The following PLPP4 variants were observed in gnomAD, a reference collection of about 807,000 sequenced individuals.
PLPP4 encodes diacylglycerol pyrophosphate like 2.
A neutral mutation model predicts 32.2 loss-of-function variants in PLPP4; 20 were observed. That is an observed-to-expected ratio of 0.62 (90% confidence interval 0.44 to 0.90). PLPP4 has a LOEUF of 0.90. Among genes scored for constraint, PLPP4 ranks in the 40% least tolerant of loss-of-function variants. The pLI, the probability that PLPP4 is intolerant of heterozygous loss-of-function variation, is 0.00. For missense variants in PLPP4, 257 were observed against 353.1 expected (o/e 0.73, Z 2.18); for synonymous variants, 127 against 133.0 (o/e 0.95, Z 0.31).
chr10:120,569,353 C>T (rs1189548706), intron 5 of PLPP4, among the ~76,000 whole-genome samples: 1 of 152,174 alleles, frequency 6.6e-6, no homozygotes, highest in Non-Finnish European at 1.5e-5. Flanking sequence ...ACCTTCCTCC[C>T]GCTATCATTT....
At chr10:120,528,805 A>G (rs1241937417) in intron 5 of PLPP4, among the ~76,000 whole-genome samples, 1 of 152,002 alleles carries the variant, frequency 6.6e-6, no homozygotes, top group African/African-American at 2.4e-5. Context: ...TTGTTTTTTT[A>G]TCACTCCCTC....
chr10:120,589,170 T>C (rs76105841), intron 6 of PLPP4, 133 bp from the exon 7 acceptor site: 35,932 of 787,976 alleles, frequency 0.046, 1,121 homozygotes, highest in Admixed American at 0.12. Flanking sequence ...GTTTCTTTCC[T>C]TTAGTCTTTC....
At chr10:120,578,758 A>G (rs1319726924) in intron 6 of PLPP4, among the ~76,000 whole-genome samples, 1 of 152,192 alleles carries the variant, frequency 6.6e-6, no homozygotes. Context: ...ATTTAGCAGA[A>G]CTTCCCCAGA....
intron 5 of PLPP4, among the ~76,000 whole-genome samples, chr10:120,566,258 C>T (rs1258997091): frequency 6.6e-6 from 1 of 151,930 alleles, no homozygotes; most frequent in Non-Finnish European, 1.5e-5. Context: ...TTAATTTTTC[C>T]TAGAAGTTTA....
intron 1 of PLPP4, among the ~76,000 whole-genome samples, chr10:120,480,521 CAGAG>C (rs1453275927): frequency 6.6e-6 from 1 of 152,140 alleles, no homozygotes; most frequent in Admixed American, 6.5e-5. Flanking sequence ...AAAATCTTGA[CAGAG>C]AGGATGCATC....
intron 5 of PLPP4, among the ~76,000 whole-genome samples, chr10:120,565,315 G>T (rs1848638367): frequency 7.0e-6 from 1 of 142,604 alleles, no homozygotes; most frequent in African/African-American, 2.6e-5. Context: ...TTGTTTGTGT[G>T]GTGTGTGTGT....
At chr10:120,580,002 C>T (rs1849413019) in intron 6 of PLPP4, among the ~76,000 whole-genome samples, 1 of 150,572 alleles carries the variant, frequency 6.6e-6, no homozygotes, top group African/African-American at 2.4e-5. Flanking sequence ...CACCTGTAGT[C>T]CCAGCTACTC....
At chr10:120,482,767 C>T (rs543065061) in intron 1 of PLPP4, among the ~76,000 whole-genome samples, 1 of 151,484 alleles carries the variant, frequency 6.6e-6, no homozygotes, top group South Asian at 2.1e-4. Flanking sequence ...AAAAACTTAG[C>T]CAGGCATGGT....
At chr10:120,515,367 G>T (rs1845895083) in intron 3 of PLPP4, among the ~76,000 whole-genome samples, 1 of 152,154 alleles carries the variant, frequency 6.6e-6, no homozygotes, top group Non-Finnish European at 1.5e-5. Context: ...TGTTTCTGCT[G>T]CCCCATGTCT....
intron 5 of PLPP4, among the ~76,000 whole-genome samples, chr10:120,521,622 G>A (rs765677473): frequency 3.9e-5 from 6 of 152,164 alleles, no homozygotes; most frequent in South Asian, 4.1e-4. Context: ...ATCAGAAGCC[G>A]TGCAATGTAG....
At position 120,589,658 on chromosome 10, in the gene PLPP4, C is replaced by T; in HGVS notation, c.*156C>T. 1.6e-6 allele frequency: 1 copy of T among 613,866 alleles called. No homozygotes were observed. Among genetic ancestry groups the T allele is most frequent in the East Asian group, 2.8e-5 (1 of 35,868 alleles). The allele number at this position is 613,866 out of a possible 1,614,324, so 38.0% of individuals were successfully genotyped here. ...TGTTTCACTGATGGTGTTCCTGCTA[C>T]TTTAAATGTCTACTTCCAACATCCT... is the stretch of plus-strand genomic sequence containing the variant. On this transcript the variant is annotated 3_prime_UTR_variant, in exon 7 of 7. Coordinates refer to ENST00000398250, the MANE Select transcript of PLPP4 (RefSeq NM_001030059.3).
At chr10:120,523,080 G>A (rs1260365792) in intron 5 of PLPP4, among the ~76,000 whole-genome samples, 1 of 152,094 alleles carries the variant, frequency 6.6e-6, no homozygotes, top group Non-Finnish European at 1.5e-5. Context: ...GGTGGATCAC[G>A]AGGTCAGGAG....
intron 1 of PLPP4, among the ~76,000 whole-genome samples, chr10:120,484,568 A>G (rs1434325303): frequency 6.6e-6 from 1 of 152,230 alleles, no homozygotes; most frequent in Non-Finnish European, 1.5e-5. Context: ...AATTCATTCA[A>G]CGGGGCAAAG....
intron 1 of PLPP4, among the ~76,000 whole-genome samples, chr10:120,484,513 GA>G (rs1231345470): frequency 6.6e-6 from 1 of 152,192 alleles, no homozygotes; most frequent in African/African-American, 2.4e-5. Context: ...AAAGGGGGGT[GA>G]ATTTGTGCTT....
At chr10:120,515,271 G>A (rs1209409175) in intron 3 of PLPP4, among the ~76,000 whole-genome samples, 3 of 152,196 alleles carry the variant, frequency 2.0e-5, no homozygotes, top group African/African-American at 7.2e-5. Context: ...CATCAGGAGG[G>A]GAGACCTCCC....
In PLPP4 at chr10:120,590,773, T is replaced by TTTC. The variant is rs1214223035; in HGVS notation, c.*1273_*1274insCTT. On this transcript the variant is annotated 3_prime_UTR_variant, in exon 7 of 7. Coordinates refer to ENST00000398250, the MANE Select transcript of PLPP4 (RefSeq NM_001030059.3). ...TTTGCTATCCAGAGTGTCACTTTTT[T>TTTC]TTTTTTTTTTTTGAGATGGAGTCTC... 6.6e-6 allele frequency among the ~76,000 whole-genome samples: 1 copy of TTTC among 150,390 alleles called. No individual in the cohort carries two copies. The highest frequency in any genetic ancestry group is 2.0e-4 in the East Asian group (1 of 5,092).
At chr10:120,585,878 C>T (rs1258563828) in intron 6 of PLPP4, among the ~76,000 whole-genome samples, 2 of 152,160 alleles carry the variant, frequency 1.3e-5, no homozygotes, top group African/African-American at 4.8e-5. Flanking sequence ...CCTCCAATCC[C>T]CCCGCTACCC....
intron 5 of PLPP4, among the ~76,000 whole-genome samples, chr10:120,547,450 G>T (rs558197972): frequency 1.3e-5 from 2 of 152,104 alleles, no homozygotes; most frequent in Non-Finnish European, 2.9e-5. Context: ...TTTAAAAATT[G>T]ATATTTTGGA....
chr10:120,457,008 C>G (rs1299884845), upstream of PLPP4: 4 of 162,376 alleles, frequency 2.5e-5, no homozygotes, highest in South Asian at 7.4e-4. Flanking sequence ...GAGGCGGAGG[C>G]GGCTCCTGGG....
Sources: allele counts gnomAD v4.1 joint callset (sites outside exome capture counted in the v4.1 genomes callset), GRCh38; gene constraint gnomAD v4.1.1; transcripts MANE v1.5; gene names NCBI Gene and HGNC (gene_info 2026-07-23, HGNC 2026-07-21).